The following LONRF3 variants were observed in gnomAD, a reference collection of about 807,000 sequenced individuals.
LONRF3 encodes LON peptidase N-terminal domain and ring finger 3.
In LONRF3, 19 loss-of-function variants were observed where a neutral mutation model predicts 51.7. The observed-to-expected ratio is 0.37, with a 90% CI of 0.26 to 0.54. The LOEUF (loss-of-function observed/expected upper bound fraction) is 0.54, where lower values mean the gene tolerates loss of function less well. Ranked by LOEUF, LONRF3 falls within the 20% of genes least tolerant of loss-of-function variation. The pLI, the probability that LONRF3 is intolerant of heterozygous loss-of-function variation, is 0.86. For missense variants in LONRF3, 521 were observed against 623.9 expected (o/e 0.84, Z 1.76); for synonymous variants, 265 against 257.8 (o/e 1.03, Z -0.27).
At position 119,008,397 on chromosome X, in the gene LONRF3, A is replaced by G. The variant is rs1924878039; in HGVS notation, c.1531-729A>G. ...TCAGTTGTTTGATTCACACCGTTAAATACCCACTACCTAAACATCCCTGGG... is the reference window on the plus strand; with the variant it reads ...TCAGTTGTTTGATTCACACCGTTAAGTACCCACTACCTAAACATCCCTGGG... On this transcript the variant is annotated intron_variant, in intron 6 of 10. Transcript: ENST00000371628. Among the ~76,000 whole-genome samples the G allele has an allele frequency of 1.8e-5, 2 of 111,615 alleles. 1 individual carries two copies. Among genetic ancestry groups the G allele is most frequent in the Admixed American group, 1.9e-4 (2 of 10,459 alleles).
chrX:119,004,666 G>T (rs1377946770), intron 5 of LONRF3, among the ~76,000 whole-genome samples: 2 of 111,985 alleles, frequency 1.8e-5, no homozygotes, highest in African/African-American at 3.2e-5. Flanking sequence ...GGGGAGGCAG[G>T]AAGGAGGGCT....
At chrX:119,000,811 C>G (rs765599094) in intron 5 of LONRF3, among the ~76,000 whole-genome samples, 5 of 87,890 alleles carry the variant, frequency 5.7e-5, no homozygotes, top group African/African-American at 2.0e-4. Context: ...CTCTCTCTCT[C>G]TCTCTCTCTC....
intron 2 of LONRF3, among the ~76,000 whole-genome samples, chrX:118,981,623 G>A (rs953174802): frequency 2.7e-5 from 3 of 111,249 alleles, no homozygotes; most frequent in Admixed American, 9.5e-5. Context: ...AAACACCCTT[G>A]GTAAACACTG....
chrX:119,009,146 C>T lies in LONRF3; in HGVS notation c.1551C>T (p.Tyr517=), dbSNP rs146290760. The change falls in exon 7 of 11, where the codon TAC becomes TAT. Residue 517 remains tyrosine (Y), a synonymous_variant. Transcript: ENST00000371628. Reference sequence around the variant, plus strand: ...TGTAGTGCTTGGCATCAAGAAAATACAGCAAAAATGTAATAATGGAGGAGC... The same window carrying T: ...TGTAGTGCTTGGCATCAAGAAAATATAGCAAAAATGTAATAATGGAGGAGC... ...GLSQCLASRK[Y]SKNVIMEELI... The T allele has an allele frequency of 1.6e-3, 1,913 of 1,207,710 alleles. 18 individuals are homozygous for T. In the African/African-American group the frequency reaches 0.025, roughly 16 times the overall value.
chrX:118,980,408 C>T (rs375173882), intron 2 of LONRF3, among the ~76,000 whole-genome samples: 1 of 111,967 alleles, frequency 8.9e-6, no homozygotes, highest in East Asian at 2.8e-4. Context: ...GTTTTGCCAT[C>T]TAATGAATTT....
chrX:118,997,801 A>G (rs1923979081), intron 5 of LONRF3, among the ~76,000 whole-genome samples: 1 of 112,660 alleles, frequency 8.9e-6, no homozygotes, highest in East Asian at 2.8e-4. Flanking sequence ...ATCCCATCAA[A>G]ATATGGGCTA....
chrX:119,013,323 T>C (rs1261461049), intron 9 of LONRF3, 122 bp downstream of exon 9: 1 of 704,838 alleles, frequency 1.4e-6, no homozygotes, highest in African/African-American at 2.2e-5. Context: ...ACCAAATTGC[T>C]GCAGCAACAT....
intron 2 of LONRF3, among the ~76,000 whole-genome samples, chrX:118,982,179 G>T (rs902217326): frequency 3.6e-5 from 4 of 111,797 alleles, no homozygotes; most frequent in Non-Finnish European, 5.6e-5. Flanking sequence ...AGTGATCCAG[G>T]CCCCTAGGAG....
chrX:118,977,079 A>T (rs1393742762), intron 1 of LONRF3: 1 of 111,617 alleles, frequency 9.0e-6, no homozygotes, highest in Non-Finnish European at 1.9e-5. Context: ...AGTGTGCTGC[A>T]GAAGAAAAAA....
chrX:118,986,386 A>C (rs952400119), intron 3 of LONRF3, among the ~76,000 whole-genome samples: 1 of 111,722 alleles, frequency 9.0e-6, no homozygotes. Flanking sequence ...TTAAAGATCC[A>C]GGGGTGATGG....
chrX:118,999,353 G>A (rs1017422721), intron 5 of LONRF3, among the ~76,000 whole-genome samples: 3 of 111,887 alleles, frequency 2.7e-5, no homozygotes, highest in African/African-American at 9.7e-5. Context: ...AGAATGGCAG[G>A]TGGGTTCTGG....
In LONRF3 at chrX:118,982,878, A is replaced by C. The variant is rs778508090; in HGVS notation, c.994A>C (p.Arg332=). The change falls in exon 3 of 11, where the codon AGG becomes CGG. Residue 332 remains arginine, a synonymous_variant. Transcript: ENST00000371628. ...ATLGKVEEAL[R]EFLYCVSLDG... ...CCTAGGCAAGGTGGAGGAGGCACTA[A>C]GGGAGTTTCTCTACTGTGTATCCCT... 1 of 1,210,830 alleles carries C rather than the reference A, an allele frequency of 8.3e-7. No homozygotes were observed.
chrX:118,978,998 C>CTTTTTTTTTTTTTTT (rs36016675), intron 2 of LONRF3, among the ~76,000 whole-genome samples: 1 of 56,121 alleles, frequency 1.8e-5, no homozygotes. Flanking sequence ...TGTTTTCTTT[C>CTTTTTTTTTTTTTTT]TTTTTTTTTT....
At chrX:119,005,815 T>C (rs1924666458) in intron 5 of LONRF3, among the ~76,000 whole-genome samples, 1 of 111,777 alleles carries the variant, frequency 8.9e-6, no homozygotes, top group African/African-American at 3.3e-5. Context: ...CCAGACACTC[T>C]GTGCATTAAT....
At chrX:119,012,794 C>T (rs957568796) in intron 8 of LONRF3, 3 of 768,064 alleles carry the variant, frequency 3.9e-6, no homozygotes, top group Admixed American at 3.7e-5. Context: ...AACATTCAAA[C>T]CATAGCACTG....
chrX:118,976,204 T>A (rs1922036013), intron 1 of LONRF3: 1 of 113,022 alleles, frequency 8.8e-6, no homozygotes, highest in South Asian at 3.6e-4. Flanking sequence ...TGGAATTAGG[T>A]CAGGAGAGCA....
In LONRF3 at chrX:118,974,874, C is replaced by A; in HGVS notation, c.94C>A (p.Gln32Lys). 8.3e-7 allele frequency: 1 copy of A among 1,204,741 alleles called. No homozygotes were observed. The change falls in exon 1 of 11, where the codon CAA (glutamine) becomes AAA (lysine). Residue 32 changes from glutamine (Q) to lysine (K), a missense_variant. Transcript: ENST00000371628. ...GGCGGAGCGAGGGGCATCAGCGGCC[C>A]AAGTAGACATGGGCCCCCACCCAAA... ...ESAERGASAA[Q>K]VDMGPHPKVA...
intron 2 of LONRF3, 46 bp downstream of exon 2, chrX:118,978,509 G>A (rs772655864): frequency 2.3e-6 from 2 of 882,431 alleles, no homozygotes; most frequent in Admixed American, 4.7e-5. Context: ...ACTGTAGACA[G>A]GTATTGGCAG....
intron 3 of LONRF3, among the ~76,000 whole-genome samples, chrX:118,987,445 G>GTTTTTTTTTTTTTTT (rs369180848): frequency 6.2e-5 from 2 of 32,304 alleles, no homozygotes; most frequent in African/African-American, 3.1e-4. Context: ...GCCTGGCTAA[G>GTTTTTTTTTTTTTTT]TTTTTTTTTT....
Sources: allele counts gnomAD v4.1 joint callset (sites outside exome capture counted in the v4.1 genomes callset), GRCh38; gene constraint gnomAD v4.1.1; transcripts MANE v1.5; gene names NCBI Gene and HGNC (gene_info 2026-07-23, HGNC 2026-07-21).